The following ASAP1 variants were observed in gnomAD, a reference collection of about 807,000 sequenced individuals.
ASAP1 encodes arf-GAP with SH3 domain, ANK repeat and PH domain-containing protein 1.
A neutral mutation model predicts 145.2 loss-of-function variants in ASAP1; 43 were observed. The ratio of observed to expected loss-of-function variants is 0.30; its 90% CI spans 0.23 to 0.38. The LOEUF (loss-of-function observed/expected upper bound fraction) is 0.38. ASAP1 is among the 10% of genes least tolerant of loss of function. The pLI is 1.00. For synonymous variants in ASAP1, 546 were observed against 515.5 expected (o/e 1.06, Z -0.80); for missense variants, 1,018 against 1,355.3 (o/e 0.75, Z 3.91).
At chr8:130,078,975 C>T (rs1296257792) in intron 26 of ASAP1, among the ~76,000 whole-genome samples, 1 of 152,168 alleles carries the variant, frequency 6.6e-6, no homozygotes, top group Non-Finnish European at 1.5e-5. Context: ...AGGAGGATTG[C>T]TTGAGCCCAG....
intron 5 of ASAP1, among the ~76,000 whole-genome samples, chr8:130,209,571 C>T (rs1047730809): frequency 2.4e-4 from 36 of 151,378 alleles, no homozygotes; most frequent in Non-Finnish European, 5.0e-4. Context: ...AAAAGAAAGG[C>T]TATTTTCATT....
chr8:130,150,544 G>A (rs1187467180), intron 13 of ASAP1, among the ~76,000 whole-genome samples: 2 of 152,150 alleles, frequency 1.3e-5, no homozygotes, highest in Non-Finnish European at 2.9e-5. Flanking sequence ...CAAATCCCAG[G>A]GGAGAGCTCT....
chr8:130,142,498 C>T (rs1428596507), intron 13 of ASAP1, among the ~76,000 whole-genome samples: 1 of 152,164 alleles, frequency 6.6e-6, no homozygotes, highest in Non-Finnish European at 1.5e-5. Context: ...AAGTCTCTAC[C>T]ACATTCCAAG....
intron 15 of ASAP1, among the ~76,000 whole-genome samples, chr8:130,131,205 C>T (rs918768999): frequency 3.3e-5 from 5 of 152,014 alleles, no homozygotes; most frequent in African/African-American, 1.2e-4. Flanking sequence ...AGCCACTAGC[C>T]AGCAGAGCCT....
chr8:130,241,517 A>G (rs1439087814), intron 3 of ASAP1, among the ~76,000 whole-genome samples: 1 of 152,188 alleles, frequency 6.6e-6, no homozygotes, highest in Non-Finnish European at 1.5e-5. Context: ...GACTGAATAC[A>G]TAAACTCATC....
intron 2 of ASAP1, among the ~76,000 whole-genome samples, chr8:130,387,709 A>C (rs1201169216): frequency 1.3e-5 from 2 of 151,606 alleles, no homozygotes; most frequent in Admixed American, 6.6e-5. Context: ...CCACTTGTAT[A>C]TATATATGAA....
At chr8:130,292,316 G>A (rs1313009876) in intron 3 of ASAP1, among the ~76,000 whole-genome samples, 1 of 152,174 alleles carries the variant, frequency 6.6e-6, no homozygotes, top group Non-Finnish European at 1.5e-5. Flanking sequence ...CTGCGCATGT[G>A]GGTAATAAGA....
chr8:130,411,582 G>T (rs1829267275), intron 1 of ASAP1, among the ~76,000 whole-genome samples: 1 of 152,148 alleles, frequency 6.6e-6, no homozygotes, highest in African/African-American at 2.4e-5. Context: ...TTTTCTCAGT[G>T]CTGGCTTCTT....
chr8:130,325,581 G>A (rs894042303), intron 3 of ASAP1, among the ~76,000 whole-genome samples: 1 of 152,222 alleles, frequency 6.6e-6, no homozygotes, highest in Non-Finnish European at 1.5e-5. Flanking sequence ...TGAGGAAGGC[G>A]TTTTGGGATA....
At position 130,322,668 on chromosome 8, in the gene ASAP1, T is replaced by C. The variant is rs76020108; in HGVS notation, c.186+35349A>G. 8.4e-3 allele frequency among the ~76,000 whole-genome samples: 1,272 copies of C among 152,318 alleles called. 19 individuals are homozygous for C. The highest frequency in any genetic ancestry group is 0.029 in the African/African-American group (1,224 of 41,560). ...TGGATTCAGTTCGATTCAACAAATA[T>C]TCATTTAGTGCTTATTATGGCAAAT... is the stretch of plus-strand genomic sequence containing the variant. On this transcript the variant is annotated intron_variant, in intron 3 of 29. Transcript: ENST00000518721.
At chr8:130,354,412 CTTCA>C (rs886246741) in intron 3 of ASAP1, among the ~76,000 whole-genome samples, 1 of 152,182 alleles carries the variant, frequency 6.6e-6, no homozygotes, top group African/African-American at 2.4e-5. Flanking sequence ...AACTTGCCTC[CTTCA>C]TTGTCACCAA....
intron 2 of ASAP1, among the ~76,000 whole-genome samples, chr8:130,373,566 T>C (rs1827329912): frequency 6.6e-6 from 1 of 152,138 alleles, no homozygotes; most frequent in African/African-American, 2.4e-5. Context: ...ATAATAAACT[T>C]GGCCAGGTGC....
At chr8:130,254,105 T>G (rs1819370890) in intron 3 of ASAP1, among the ~76,000 whole-genome samples, 1 of 152,206 alleles carries the variant, frequency 6.6e-6, no homozygotes, top group African/African-American at 2.4e-5. Context: ...CCATCCATGC[T>G]TATAAGCATT....
intron 1 of ASAP1, among the ~76,000 whole-genome samples, chr8:130,422,618 T>C (rs1829766201): frequency 6.6e-6 from 1 of 152,200 alleles, no homozygotes; most frequent in Non-Finnish European, 1.5e-5. Context: ...CCCAAAACTC[T>C]CTCCCATGGA....
intron 5 of ASAP1, among the ~76,000 whole-genome samples, chr8:130,213,842 T>C (rs1816730720): frequency 6.6e-6 from 1 of 152,124 alleles, no homozygotes; most frequent in African/African-American, 2.4e-5. Flanking sequence ...AGTGTGCACA[T>C]GGTATGAGGG....
At chr8:130,328,177 G>C (rs531923567) in intron 3 of ASAP1, among the ~76,000 whole-genome samples, 1 of 152,198 alleles carries the variant, frequency 6.6e-6, no homozygotes, top group South Asian at 2.1e-4. Context: ...CTGTGAAACT[G>C]GTACTAAATG....
chr8:130,180,640 C>T, intron 8 of ASAP1, 111 bp downstream of exon 8: 1 of 1,286,096 alleles, frequency 7.8e-7, no homozygotes, highest in Non-Finnish European at 1.1e-6. Context: ...GAAACAGTTT[C>T]CTCTCTAATA....
chr8:130,437,474 C>G (rs1020824899), intron 1 of ASAP1, among the ~76,000 whole-genome samples: 5 of 152,146 alleles, frequency 3.3e-5, no homozygotes, highest in African/African-American at 1.2e-4. Flanking sequence ...TACAGTAGAC[C>G]CCAGAATCTT....
At chr8:130,338,187 G>A (rs747003793) in intron 3 of ASAP1, among the ~76,000 whole-genome samples, 2 of 152,098 alleles carry the variant, frequency 1.3e-5, no homozygotes, top group Non-Finnish European at 2.9e-5. Context: ...TTACAGTTCA[G>A]AAAAAGGTAT....
Sources: allele counts gnomAD v4.1 joint callset (sites outside exome capture counted in the v4.1 genomes callset), GRCh38; gene constraint gnomAD v4.1.1; transcripts MANE v1.5; gene names NCBI Gene and HGNC (gene_info 2026-07-23, HGNC 2026-07-21).